The following CDK12 variants were observed in gnomAD, a reference collection of about 807,000 sequenced individuals.
CDK12 encodes cyclin dependent kinase 12.
In CDK12, 17 loss-of-function variants were observed where a neutral mutation model predicts 133.8. The observed-to-expected ratio is 0.13, with a 90% CI of 0.09 to 0.19. CDK12 has a LOEUF of 0.19. Ranked by LOEUF, CDK12 falls within the 10% of genes least tolerant of loss-of-function variation. The pLI is 1.00. For missense variants in CDK12, 1,508 were observed against 1,818.7 expected, an observed-to-expected ratio of 0.83 and a Z score of 3.11; for synonymous variants, 694 against 683.6, an observed-to-expected ratio of 1.02 and a Z score of -0.24.
rs528522169 is a variant in CDK12, at chr17:39,542,094, G to GGA, written c.451-2146_451-2145dup. 1.8e-4 allele frequency among the ~76,000 whole-genome samples: 27 copies of GGA among 152,228 alleles called. No homozygotes were observed. In the South Asian group the frequency reaches 5.4e-3, roughly 30 times the overall value. ...AGGATGGACTGTGAGATTTGAGGAG[G>GGA]GAGAGAGAGATTGAGGGGGAAAGGT... is the stretch of plus-strand genomic sequence containing the variant. On this transcript the variant is annotated intron_variant and NMD_transcript_variant, in intron 1 of 4. Coordinates refer to the CDK12 transcript ENST00000559663.
Position 39,469,263 on chromosome 17 carries a change from CT to C in CDK12, c.1047-1613del, listed in dbSNP as rs577512561. 3.6e-3 allele frequency among the ~76,000 whole-genome samples: 551 copies of C among 152,200 alleles called. 4 individuals carry two copies. Among genetic ancestry groups the C allele is most frequent in the Middle Eastern group, 6.8e-3 (2 of 292 alleles). The stretch of plus-strand genomic sequence containing the variant: ...GATTCCCAGATTTTATTTCCAAAGC[CT>C]TTCTTAAGAAGACAATTAATTAAAC... On this transcript the variant is annotated intron_variant, in intron 1 of 13. Transcript: ENST00000447079.
At chr17:39,516,727 A>T (rs2053832290) in intron 9 of CDK12, among the ~76,000 whole-genome samples, 1 of 137,576 alleles carries the variant, frequency 7.3e-6, no homozygotes, top group Non-Finnish European at 1.5e-5. Context: ...CAGTGGCGTG[A>T]TCTTGGCTCA....
chr17:39,524,532 T>A, intron 11 of CDK12, 142 bp from the exon 12 acceptor site: 1 of 678,618 alleles, frequency 1.5e-6, no homozygotes, highest in East Asian at 2.7e-5. Flanking sequence ...TACCTACTTT[T>A]ACTAACTTTT....
rs1410191559 is a variant in CDK12, at chr17:39,463,131, C to CT, written c.1046+15dup. 3 of 1,606,860 alleles carry CT rather than the reference C, an allele frequency of 1.9e-6. No homozygotes were observed. The highest frequency in any genetic ancestry group is 3.4e-5 in the Admixed American group (2 of 59,280). ...TCCACTCCCCAGGTGAGCTATTTGT[C>CT]TAACAGTCCTTCCTCATTTAGGGTG... On this transcript the variant is annotated intron_variant, in intron 1 of 13. Coordinates refer to ENST00000447079, the MANE Select transcript of CDK12 (RefSeq NM_016507.4).
intron 2 of CDK12, among the ~76,000 whole-genome samples, chr17:39,478,769 G>A (rs2050407266): frequency 6.6e-6 from 1 of 152,160 alleles, no homozygotes; most frequent in Non-Finnish European, 1.5e-5. Flanking sequence ...GAGCTACAGT[G>A]AGCCATGATC....
rs199510816 is a variant in CDK12, at chr17:39,531,255, T to A, written c.4412T>A (p.Leu1471His). 1.3e-6 allele frequency: 2 copies of A among 1,509,714 alleles called. No individual in the cohort carries two copies. Among genetic ancestry groups the A allele is most frequent in the Non-Finnish European group, 1.8e-6 (2 of 1,132,072 alleles). 93.5% of individuals were successfully genotyped at this position (1,509,714 alleles called of 1,614,324 possible). ...GPTQSSAYGK[L>H]YRGPTRVPPR... is the part of the protein sequence containing the mutation. ...ACTCAGTCTTCTGCTTATGGAAAAC[T>A]CTATCGGGGGCCTACAAGAGTCCCA... Residue 1471 changes from leucine to histidine, a missense_variant, in exon 14 of 14, where the codon CTC becomes CAC. Physicochemically the swap from Leu to His is moderately conservative, Grantham distance 99. This residue lies in a region of CDK12 where 114 missense variants were observed against 101.2 expected (regional missense o/e 1.13). Coordinates refer to ENST00000447079, the MANE Select transcript of CDK12 (RefSeq NM_016507.4).
intron 2 of CDK12, among the ~76,000 whole-genome samples, chr17:39,490,342 G>A (rs1032472227): frequency 6.6e-6 from 1 of 151,580 alleles, no homozygotes; most frequent in African/African-American, 2.4e-5. Context: ...ATTCTAGCCT[G>A]GGCGACAGAG....
upstream of CDK12, among the ~76,000 whole-genome samples, chr17:39,543,575 A>G (rs1197335871): frequency 2.0e-5 from 3 of 152,198 alleles, no homozygotes; most frequent in African/African-American, 7.2e-5. Context: ...GGTACTGGGG[A>G]TCTGCAAAGT....
rs371511276 is a variant in CDK12 at position 39,525,551 on chromosome 17, G to T, written c.3308-313G>T. Among the ~76,000 whole-genome samples the T allele has an allele frequency of 8.2e-4, 125 of 152,238 alleles. 1 individual carries two copies. The highest frequency in any genetic ancestry group is 2.8e-3 in the African/African-American group (118 of 41,548). ...GGTCCTGAGGCATCTGAATAGGAGAGATTTTTAAATCTCTCTTAGTAATTC... is the reference window on the plus strand; with the variant it reads ...GGTCCTGAGGCATCTGAATAGGAGATATTTTTAAATCTCTCTTAGTAATTC... On this transcript the variant is annotated intron_variant, in intron 12 of 13. Coordinates refer to ENST00000447079, the MANE Select transcript of CDK12 (RefSeq NM_016507.4).
At chr17:39,524,571 A>T in intron 11 of CDK12, 103 bp from the exon 12 acceptor site, 1 of 1,002,512 alleles carries the variant, frequency 1.0e-6, no homozygotes, top group Non-Finnish European at 1.5e-6. Flanking sequence ...CTTATTCTTT[A>T]CATTTCCCAC....
At chr17:39,467,184 G>T (rs1266227406) in intron 1 of CDK12, among the ~76,000 whole-genome samples, 1 of 151,732 alleles carries the variant, frequency 6.6e-6, no homozygotes, top group Non-Finnish European at 1.5e-5. Context: ...TCACCATGTT[G>T]GCCAGGATGG....
chr17:39,523,609 TG>T (rs2054313769), intron 11 of CDK12, among the ~76,000 whole-genome samples: 1 of 152,218 alleles, frequency 6.6e-6, no homozygotes, highest in Non-Finnish European at 1.5e-5. Context: ...TGTTAGTTCA[TG>T]AGTAGGTAGT....
At chr17:39,490,491 C>A in intron 2 of CDK12, 66 bp from the exon 3 acceptor site, 2 of 1,182,682 alleles carry the variant, frequency 1.7e-6, no homozygotes, top group Non-Finnish European at 2.3e-6. Flanking sequence ...GCATTATGAT[C>A]TTTGAAAATT....
chr17:39,501,207 CTT>C, intron 5 of CDK12, 41 bp from the exon 6 acceptor site: 2 of 1,212,978 alleles, frequency 1.6e-6, no homozygotes, highest in Non-Finnish European at 2.2e-6. Context: ...TTTCAGCATT[CTT>C]TTTTTTTTCT....
chr17:39,523,311 TA>T (rs2054295094), intron 11 of CDK12, among the ~76,000 whole-genome samples: 1 of 151,846 alleles, frequency 6.6e-6, no homozygotes. Flanking sequence ...CCGTCTCTAC[TA>T]AAAAATACAA....
chr17:39,493,911 A>G (rs1019629809), intron 4 of CDK12, among the ~76,000 whole-genome samples: 1 of 151,880 alleles, frequency 6.6e-6, no homozygotes, highest in Non-Finnish European at 1.5e-5. Flanking sequence ...CAGGAGAATC[A>G]CTTGAACCTA....
At chr17:39,505,223 G>A (rs1225027987) in intron 6 of CDK12, among the ~76,000 whole-genome samples, 10 of 93,496 alleles carry the variant, frequency 1.1e-4, no homozygotes, top group Non-Finnish European at 1.4e-4. Context: ...GCAAGACTCC[G>A]TTTCAAAAAA....
intron 3 of CDK12, among the ~76,000 whole-genome samples, chr17:39,557,938 AAAC>A (rs1158670898): frequency 1.3e-5 from 2 of 152,200 alleles, no homozygotes; most frequent in East Asian, 3.8e-4. Context: ...AAATGCAGAA[AAAC>A]AACTACTCCT....
intron 11 of CDK12, among the ~76,000 whole-genome samples, chr17:39,522,178 C>T (rs182070879): frequency 1.1e-4 from 16 of 152,012 alleles, no homozygotes; most frequent in African/African-American, 3.6e-4. Flanking sequence ...GGTGTGATCT[C>T]GACTCACCAC....
Sources: allele counts gnomAD v4.1 joint callset (sites outside exome capture counted in the v4.1 genomes callset), GRCh38; gene constraint gnomAD v4.1.1; regional missense constraint gnomAD v4.1.1; transcripts MANE v1.5; gene names NCBI Gene and HGNC (gene_info 2026-07-23, HGNC 2026-07-21).